TNIP3: variants seen among roughly 807,000 people sequenced by gnomAD.
TNIP3 encodes TNFAIP3 interacting protein 3, also known as TNFAIP3-interacting protein 3.
A neutral mutation model predicts 54.1 loss-of-function variants in TNIP3; 34 were observed. That is an observed-to-expected ratio of 0.63 (90% confidence interval 0.48 to 0.84). The LOEUF is 0.84. Among genes scored for constraint, TNIP3 ranks in the 40% least tolerant of loss-of-function variants. The pLI, the probability that TNIP3 is intolerant of heterozygous loss-of-function variation, is 0.00. For synonymous variants in TNIP3, 134 were observed against 136.8 expected (o/e 0.98, Z 0.14); for missense variants, 366 against 387.6 (o/e 0.94, Z 0.47).
intron 7 of TNIP3, among the ~76,000 whole-genome samples, chr4:121,143,285 A>G (rs1729226800): frequency 6.6e-6 from 1 of 152,202 alleles, no homozygotes; most frequent in South Asian, 2.1e-4. Flanking sequence ...ACACTGCTAT[A>G]TCCCACAGCT....
chr4:121,140,497 A>C (rs1412802837), intron 9 of TNIP3, among the ~76,000 whole-genome samples: 1 of 152,084 alleles, frequency 6.6e-6, no homozygotes, highest in Non-Finnish European at 1.5e-5. Flanking sequence ...TAGTAGGTGA[A>C]TTCCTTCCTT....
chr4:121,222,681 G>A (rs1727076798), intron 1 of TNIP3, among the ~76,000 whole-genome samples: 1 of 152,028 alleles, frequency 6.6e-6, no homozygotes, highest in African/African-American at 2.4e-5. Flanking sequence ...AAACTCACTG[G>A]AAAGCCTGTA....
intron 2 of TNIP3, among the ~76,000 whole-genome samples, chr4:121,198,068 C>T (rs778213233): frequency 3.3e-5 from 5 of 151,280 alleles, no homozygotes; most frequent in Non-Finnish European, 5.9e-5. Context: ...CTAGAGGATG[C>T]GGATAATAGA....
At chr4:121,183,951 G>A (rs780677917) in intron 2 of TNIP3, among the ~76,000 whole-genome samples, 5 of 151,990 alleles carry the variant, frequency 3.3e-5, no homozygotes, top group African/African-American at 7.3e-5. Flanking sequence ...CACAATCAAT[G>A]TAATGTGCTT....
chr4:121,166,380 T>C (rs1311887385), upstream of TNIP3, among the ~76,000 whole-genome samples: 1 of 152,242 alleles, frequency 6.6e-6, no homozygotes, highest in African/African-American at 2.4e-5. Flanking sequence ...ATTGGGTCTT[T>C]TCTGTTACAT....
intron 3 of TNIP3, 112 bp from the exon 4 acceptor site, chr4:121,157,355 C>T: frequency 7.2e-7 from 1 of 1,381,218 alleles, no homozygotes; most frequent in East Asian, 2.3e-5. Context: ...CAGGACGTCC[C>T]CTAAGGAGAG....
intron 1 of TNIP3, among the ~76,000 whole-genome samples, chr4:121,225,708 G>A (rs1232521848): frequency 1.3e-5 from 2 of 152,170 alleles, no homozygotes; most frequent in African/African-American, 4.8e-5. Context: ...ATCCTCAGCA[G>A]GAAGTATTTA....
upstream of TNIP3, among the ~76,000 whole-genome samples, chr4:121,168,138 A>G (rs557066301): frequency 1.3e-5 from 2 of 152,294 alleles, no homozygotes; most frequent in South Asian, 4.1e-4. Flanking sequence ...GCACATTGCC[A>G]CAAAAGCCTA....
chr4:121,182,938 G>C (rs1490040193), intron 2 of TNIP3: 1 of 786,604 alleles, frequency 1.3e-6, no homozygotes, highest in Non-Finnish European at 1.9e-6. Flanking sequence ...ATCTCATTAT[G>C]TTTTCATTAG....
chr4:121,226,985 G>A (rs2148856822), intron 1 of TNIP3, among the ~76,000 whole-genome samples: 1 of 152,146 alleles, frequency 6.6e-6, no homozygotes, highest in East Asian at 1.9e-4. Context: ...TATCCCAAGA[G>A]GGAAAGCATA....
At chr4:121,154,236 G>A (rs1169624746) in intron 5 of TNIP3, 5 of 314,008 alleles carry the variant, frequency 1.6e-5, no homozygotes, top group Non-Finnish European at 3.0e-5. Flanking sequence ...CAAGAGATAC[G>A]TTATTGTTCG....
chr4:121,164,400 C>A, upstream of TNIP3: 1 of 1,159,772 alleles, frequency 8.6e-7, no homozygotes, highest in African/African-American at 1.6e-5. Context: ...CTCAAATAGG[C>A]AGGCCGTGAC....
At chr4:121,139,934 G>A (rs182751260) in intron 9 of TNIP3, among the ~76,000 whole-genome samples, 41 of 152,272 alleles carry the variant, frequency 2.7e-4, no homozygotes, top group African/African-American at 9.1e-4. Flanking sequence ...TTCAGCCTTC[G>A]ATATAGACAA....
At chr4:121,187,167 A>T (rs570679442) in intron 2 of TNIP3, among the ~76,000 whole-genome samples, 15 of 152,294 alleles carry the variant, frequency 9.8e-5, no homozygotes, top group Non-Finnish European at 1.8e-4. Flanking sequence ...CTCTTAATAC[A>T]ATACTATGAC....
At chr4:121,169,768 A>G (rs1212951434) in intron 3 of TNIP3, among the ~76,000 whole-genome samples, 1 of 152,202 alleles carries the variant, frequency 6.6e-6, no homozygotes, top group African/African-American at 2.4e-5. Flanking sequence ...GTTTTGAACT[A>G]GGAGAATCGG....
chr4:121,208,950 A>G (rs1019803942), intron 2 of TNIP3, among the ~76,000 whole-genome samples: 2 of 152,092 alleles, frequency 1.3e-5, no homozygotes, highest in Non-Finnish European at 2.9e-5. Context: ...CCATTCCCCA[A>G]TCTCCAGGAA....
chr4:121,188,649 T>A (rs1185410400), intron 2 of TNIP3, among the ~76,000 whole-genome samples: 1 of 152,184 alleles, frequency 6.6e-6, no homozygotes. Context: ...GAGAAGATAA[T>A]CCAAAATGTT....
chr4:121,167,417 G>T (rs114247097), upstream of TNIP3, among the ~76,000 whole-genome samples: 1 of 152,096 alleles, frequency 6.6e-6, no homozygotes, highest in South Asian at 2.1e-4. Flanking sequence ...GGCCTTGAAG[G>T]GTAGATAGGA....
intron 2 of TNIP3, among the ~76,000 whole-genome samples, chr4:121,213,970 A>G (rs1384227506): frequency 1.3e-5 from 2 of 152,178 alleles, no homozygotes; most frequent in East Asian, 3.9e-4. Flanking sequence ...AATCCCCCAT[A>G]CTGACAATCA....
Sources: allele counts gnomAD v4.1 joint callset (sites outside exome capture counted in the v4.1 genomes callset), GRCh38; gene constraint gnomAD v4.1.1; transcripts MANE v1.5; gene names NCBI Gene and HGNC (gene_info 2026-07-23, HGNC 2026-07-21).